KCNA6: variants seen among roughly 807,000 people sequenced by gnomAD.
KCNA6 encodes human brain potassium channel-2.
A neutral mutation model predicts 29.5 loss-of-function variants in KCNA6; 17 were observed. The observed-to-expected ratio is 0.58, with a 90% CI of 0.39 to 0.86. The LOEUF (loss-of-function observed/expected upper bound fraction) is 0.86, where lower values mean the gene tolerates loss of function less well. Ranked by LOEUF, KCNA6 falls within the 40% of genes least tolerant of loss-of-function variation. The pLI, the probability that KCNA6 is intolerant of heterozygous loss-of-function variation, is 0.00. For missense variants in KCNA6, 450 were observed against 703.4 expected (o/e 0.64, Z 4.07); for synonymous variants, 296 against 304.7 (o/e 0.97, Z 0.30).
chr12:4,812,987 G>A (rs1946646898), exon 1 of KCNA6: 1 of 167,024 alleles, frequency 6.0e-6, no homozygotes, highest in South Asian at 2.1e-4. Context: ...TTGTTTCTCA[G>A]TAACATTGCC....
the KCNA6 span, among the ~76,000 whole-genome samples, chr12:4,832,821 C>T: frequency 6.6e-6 from 1 of 152,194 alleles, no homozygotes; most frequent in East Asian, 1.9e-4. Flanking sequence ...TTTATGTGGA[C>T]TGGACCACTC....
chr12:4,818,148 C>T (rs1424881975), downstream of KCNA6, among the ~76,000 whole-genome samples: 1 of 152,174 alleles, frequency 6.6e-6, no homozygotes, highest in African/African-American at 2.4e-5. Context: ...TGGCACCTGG[C>T]TAGTGGGGCT....
the KCNA6 span, among the ~76,000 whole-genome samples, chr12:4,837,138 T>C: frequency 6.6e-6 from 1 of 152,142 alleles, no homozygotes; most frequent in African/African-American, 2.4e-5. Flanking sequence ...AAATCAATCA[T>C]GCCTATGTAA....
the KCNA6 span, among the ~76,000 whole-genome samples, chr12:4,833,826 C>A: frequency 6.6e-6 from 1 of 152,088 alleles, no homozygotes; most frequent in Non-Finnish European, 1.5e-5. Context: ...AATAGACCAA[C>A]GGCTAGGATT....
downstream of KCNA6, among the ~76,000 whole-genome samples, chr12:4,816,470 G>T (rs1390585153): frequency 6.6e-6 from 1 of 151,866 alleles, no homozygotes; most frequent in Non-Finnish European, 1.5e-5. Flanking sequence ...ACAGGACTAC[G>T]GTCTTGAGCT....
the KCNA6 span, among the ~76,000 whole-genome samples, chr12:4,850,235 G>A: frequency 6.6e-6 from 1 of 152,178 alleles, no homozygotes; most frequent in African/African-American, 2.4e-5. The surrounding 1 kb of genome is among the most constrained non-coding windows in gnomAD (Gnocchi z 5.4). Flanking sequence ...GAGCCAGGTG[G>A]TGGCAGGAAC....
the KCNA6 span, among the ~76,000 whole-genome samples, chr12:4,848,596 T>C: frequency 1.3e-5 from 2 of 151,892 alleles, no homozygotes; most frequent in Non-Finnish European, 2.9e-5. Flanking sequence ...GTGCAATGGC[T>C]CGATCTCGGC....
chr12:4,833,193 C>T, the KCNA6 span, among the ~76,000 whole-genome samples: 4 of 152,164 alleles, frequency 2.6e-5, no homozygotes, highest in African/African-American at 9.7e-5. Context: ...AAGTTTGAAA[C>T]ACCACCATTA....
chr12:4,810,417 C>T lies in KCNA6; in HGVS notation c.376C>T (p.Leu126=), dbSNP rs780804242. ...CCTGGAGGAGATCCGCTTCTACCAGCTGGGGGACGAGGCCCTGGCGGCCTT... is the reference window on the plus strand; with the variant it reads ...CCTGGAGGAGATCCGCTTCTACCAGTTGGGGGACGAGGCCCTGGCGGCCTT... The change falls in exon 1 of 1, where the codon CTG becomes TTG. Residue 126 remains leucine (L), a synonymous_variant. Coordinates refer to ENST00000280684, the Ensembl canonical transcript of KCNA6. The surrounding 1 kb of genome is among the most constrained non-coding windows in gnomAD (Gnocchi z 7.5). The T allele has an allele frequency of 5.6e-6, 9 of 1,614,028 alleles. No homozygotes were observed. In the East Asian group the frequency reaches 2.0e-4, roughly 36 times the overall value.
the KCNA6 span, among the ~76,000 whole-genome samples, chr12:4,833,159 A>G: frequency 1.4e-4 from 21 of 152,340 alleles, 1 homozygote; most frequent in East Asian, 2.3e-3. Flanking sequence ...CTATTGTGAC[A>G]TAGCTAACCA....
chr12:4,831,690 T>G, the KCNA6 span, among the ~76,000 whole-genome samples: 2 of 152,204 alleles, frequency 1.3e-5, no homozygotes, highest in Non-Finnish European at 1.5e-5. Context: ...TGGAGTCCAG[T>G]GTGTTAATTC....
At chr12:4,845,288 A>G in the KCNA6 span, among the ~76,000 whole-genome samples, 1 of 152,210 alleles carries the variant, frequency 6.6e-6, no homozygotes, top group South Asian at 2.1e-4. Context: ...CAGTTCTCAA[A>G]CTTTATTAAT....
At chr12:4,842,793 A>G in the KCNA6 span, 1 of 152,228 alleles carries the variant, frequency 6.6e-6, no homozygotes, top group African/African-American at 2.4e-5. Context: ...GAGTGGGGAC[A>G]TAGCCTAACT....
Position 4,810,341 on chromosome 12 carries a change from C to T in KCNA6, c.300C>T (p.Tyr100=), listed in dbSNP as rs1302478643. Residue 100 remains tyrosine (Y), a synonymous_variant, in exon 1 of 1, where the codon TAC becomes TAT. Transcript: ENST00000280684. The surrounding 1 kb of genome is among the most constrained non-coding windows in gnomAD (Gnocchi z 7.5). ...GCTTCGACGCCATCCTCTACTACTA[C>T]CAGTCTGGGGGCCGCCTGCGGAGGC... The T allele has an allele frequency of 3.7e-6, 6 of 1,614,076 alleles. No homozygotes were observed. Among genetic ancestry groups the T allele is most frequent in the Non-Finnish European group, 4.2e-6 (5 of 1,180,050 alleles).
At chr12:4,821,269 T>C in the KCNA6 span, among the ~76,000 whole-genome samples, 2 of 151,964 alleles carry the variant, frequency 1.3e-5, no homozygotes, top group African/African-American at 2.4e-5. Flanking sequence ...AGAAAAGAGG[T>C]CCGGTATGGT....
In KCNA6 at chr12:4,811,298, A is replaced by G. The variant is rs780794904; in HGVS notation, c.1257A>G (p.Thr419=). The G allele has an allele frequency of 6.2e-7, 1 of 1,614,060 alleles. No individual in the cohort carries two copies. The highest frequency in any genetic ancestry group is 8.5e-7 in the Non-Finnish European group (1 of 1,180,030). ...ATGCCTTCTGGTGGGCAGTGGTTAC[A>G]ATGACCACGGTAGGTTACGGGGACA... The change falls in exon 1 of 1, where the codon ACA becomes ACG. Residue 419 remains threonine, a synonymous_variant. Coordinates refer to ENST00000280684, the Ensembl canonical transcript of KCNA6. This position sits in a 1 kb window ranked among gnomAD's most constrained non-coding sequence, Gnocchi z 7.1.
the KCNA6 span, among the ~76,000 whole-genome samples, chr12:4,835,586 G>C: frequency 6.6e-6 from 1 of 151,162 alleles, no homozygotes; most frequent in Non-Finnish European, 1.5e-5. Context: ...ATCTAACTAT[G>C]CGCTTAGAAG....
At chr12:4,831,291 T>C in the KCNA6 span, among the ~76,000 whole-genome samples, 6 of 152,214 alleles carry the variant, frequency 3.9e-5, no homozygotes, top group African/African-American at 1.2e-4. Context: ...ACTGTTCTGG[T>C]TGGGCATTGT....
the KCNA6 span, among the ~76,000 whole-genome samples, chr12:4,841,606 C>G: frequency 6.6e-6 from 1 of 152,182 alleles, no homozygotes; most frequent in East Asian, 1.9e-4. Flanking sequence ...ATGATTATGT[C>G]TAAAAGGCAA....
Sources: gnomAD v4.1 joint callset for allele counts (sites outside exome capture counted in the v4.1 genomes callset) on GRCh38, gnomAD v4.1.1 for gene constraint, Gnocchi (gnomAD v3.1) non-coding constraint, MANE v1.5 for transcripts, NCBI Gene and HGNC (gene_info 2026-07-23, HGNC 2026-07-21) for gene names.